Variants in DCDC1 observed in about 807,000 individuals in gnomAD.
The protein encoded by DCDC1 is doublecortin domain-containing protein 1.
Under a neutral mutation model 178.3 loss-of-function variants are expected in DCDC1, and 200 were observed. The ratio of observed to expected loss-of-function variants is 1.12; its 90% CI spans 1.00 to 1.26. The LOEUF is 1.26. DCDC1 is among the 50% of genes most tolerant of loss of function. DCDC1 has a pLI of 0.00. For missense variants in DCDC1, 1,983 were observed against 1,749.2 expected (o/e 1.13, Z -2.38); for synonymous variants, 690 against 604.8 (o/e 1.14, Z -2.07).
chr11:31,359,531 A>C (rs1046978034), intron 1 of DCDC1, among the ~76,000 whole-genome samples: 1 of 152,092 alleles, frequency 6.6e-6, no homozygotes, highest in African/African-American at 2.4e-5. Context: ...ACATGTATAC[A>C]TATGTAACTA....
At chr11:31,310,308 A>ATTTTTTTTTTTTTTTT (rs11407483) in intron 3 of DCDC1, among the ~76,000 whole-genome samples, 1 of 53,864 alleles carries the variant, frequency 1.9e-5, no homozygotes, top group African/African-American at 8.5e-5. Flanking sequence ...GTAATTCTTG[A>ATTTTTTTTTTTTTTTT]TTTTTTTTTT....
At chr11:31,215,445 T>C (rs1973420186) in intron 9 of DCDC1, among the ~76,000 whole-genome samples, 1 of 152,100 alleles carries the variant, frequency 6.6e-6, no homozygotes, top group Admixed American at 6.5e-5. Context: ...TAACCAAAAT[T>C]GTAAATCTTT....
chr11:31,358,859 A>C (rs1230773381), intron 1 of DCDC1, among the ~76,000 whole-genome samples: 2 of 152,236 alleles, frequency 1.3e-5, no homozygotes, highest in Non-Finnish European at 2.9e-5. Flanking sequence ...GCCATCAGAG[A>C]AATGCAAATC....
intron 1 of DCDC1, among the ~76,000 whole-genome samples, chr11:31,339,945 G>A (rs1034480381): frequency 6.6e-6 from 1 of 152,016 alleles, no homozygotes; most frequent in African/African-American, 2.4e-5. Context: ...CTCTGTGGTT[G>A]CATATGTACC....
At chr11:31,234,395 C>T (rs1314761363) in intron 9 of DCDC1, among the ~76,000 whole-genome samples, 2 of 152,042 alleles carry the variant, frequency 1.3e-5, no homozygotes, top group Non-Finnish European at 2.9e-5. Context: ...CTCGAACTAA[C>T]GCTACTAACA....
chr11:31,106,414 CA>C (rs202216025), intron 13 of DCDC1, among the ~76,000 whole-genome samples: 3 of 151,786 alleles, frequency 2.0e-5, no homozygotes, highest in South Asian at 2.1e-4. Context: ...TAAAAAGGGA[CA>C]AAAAAAATAG....
intron 9 of DCDC1, among the ~76,000 whole-genome samples, chr11:31,233,314 A>G (rs892011681): frequency 2.3e-4 from 35 of 152,218 alleles, no homozygotes; most frequent in Non-Finnish European, 4.1e-4. Context: ...ACTGATAAGC[A>G]TATTTCCTAA....
chr11:31,294,825 AG>A (rs1947541141), intron 6 of DCDC1, among the ~76,000 whole-genome samples: 1 of 142,896 alleles, frequency 7.0e-6, no homozygotes. Context: ...AAAGAAAGAA[AG>A]AAAGAAAGAA....
intron 20 of DCDC1, among the ~76,000 whole-genome samples, chr11:31,034,622 T>G (rs1953901092): frequency 2.0e-5 from 3 of 152,232 alleles, no homozygotes; most frequent in African/African-American, 7.2e-5. Flanking sequence ...TGTATAGGTT[T>G]GTAGCCTAAG....
chr11:31,215,848 T>C (rs1386907341), intron 9 of DCDC1, among the ~76,000 whole-genome samples: 2 of 151,752 alleles, frequency 1.3e-5, no homozygotes, highest in African/African-American at 4.8e-5. Flanking sequence ...TTTTTCCTTC[T>C]AAAAAGAAGC....
Position 31,290,662 on chromosome 11 carries a change from T to C in DCDC1, c.945A>G (p.Lys315=), listed in dbSNP as rs1405053497. ...TAAAAATTACCTTTTTCATTGTTTC[T>C]TTTCCCACTGTAATCTCATGCCCAT... The part of the protein sequence containing the change: ...GQDGHEITVG[K]ETMKKVLDTC... The change falls in exon 7 of 39, where the codon AAA becomes AAG. Residue 315 remains lysine (K), a synonymous_variant. Transcript: ENST00000684477. The C allele has an allele frequency of 1.2e-6, 2 of 1,605,112 alleles. No individual in the cohort carries two copies. Among genetic ancestry groups the C allele is most frequent in the Admixed American group, 1.7e-5 (1 of 57,878 alleles).
Position 31,154,198 on chromosome 11 carries a change from GC to G in DCDC1, c.1222-16415del, listed in dbSNP as rs1965488668. Among the ~76,000 whole-genome samples, 7 of 152,226 alleles carry G rather than the reference GC, an allele frequency of 4.6e-5. No homozygotes were observed. In the South Asian group the frequency reaches 1.5e-3, roughly 32 times the overall value. The stretch of plus-strand genomic sequence containing the variant: ...TAGTAAGTTTCCTGAGGCCTCCCTG[GC>G]CATGCTTCTTCTACAGCCTATGGAA... On this transcript the variant is annotated intron_variant, in intron 9 of 38. Coordinates refer to ENST00000684477, the MANE Select transcript of DCDC1 (RefSeq NM_001387274.1).
intron 21 of DCDC1, among the ~76,000 whole-genome samples, chr11:30,946,890 G>T (rs945391356): frequency 6.6e-6 from 1 of 152,160 alleles, no homozygotes; most frequent in African/African-American, 2.4e-5. Flanking sequence ...AAGGGCTCAG[G>T]ACACATATTC....
intron 20 of DCDC1, among the ~76,000 whole-genome samples, chr11:31,037,153 A>G (rs1447835709): frequency 6.6e-6 from 1 of 152,174 alleles, no homozygotes; most frequent in African/African-American, 2.4e-5. Flanking sequence ...TTACTTCATC[A>G]GTATCATTTT....
At chr11:30,868,242 C>CTTTTTTT (rs35180579) in intron 38 of DCDC1, among the ~76,000 whole-genome samples, 1 of 61,074 alleles carries the variant, frequency 1.6e-5, no homozygotes, top group Admixed American at 1.9e-4. Flanking sequence ...TTCATACCTG[C>CTTTTTTT]TTTTTTTTTT....
intron 9 of DCDC1, among the ~76,000 whole-genome samples, chr11:31,205,231 T>C (rs1026804638): frequency 1.3e-5 from 2 of 152,158 alleles, no homozygotes; most frequent in African/African-American, 4.8e-5. Flanking sequence ...TAAAGTTTTA[T>C]TTACGTATTG....
intron 20 of DCDC1, among the ~76,000 whole-genome samples, chr11:30,991,251 G>A (rs1373357593): frequency 6.6e-6 from 1 of 152,076 alleles, no homozygotes; most frequent in Non-Finnish European, 1.5e-5. Context: ...GGGAGTGAGT[G>A]TGACTCCAGA....
intron 20 of DCDC1, among the ~76,000 whole-genome samples, chr11:31,029,915 G>A (rs985589124): frequency 2.0e-5 from 3 of 151,478 alleles, no homozygotes; most frequent in African/African-American, 7.3e-5. Flanking sequence ...TATTTCCATG[G>A]TATCCATTAC....
intron 9 of DCDC1, among the ~76,000 whole-genome samples, chr11:31,173,170 T>A (rs1967484455): frequency 6.6e-6 from 1 of 152,212 alleles, no homozygotes; most frequent in Admixed American, 6.5e-5. Flanking sequence ...TATAAAAATA[T>A]TTTTGTTTTA....
Sources: gnomAD v4.1 joint callset for allele counts (sites outside exome capture counted in the v4.1 genomes callset) on GRCh38, gnomAD v4.1.1 for gene constraint, MANE v1.5 for transcripts, NCBI Gene and HGNC (gene_info 2026-07-23, HGNC 2026-07-21) for gene names.